Variants in PDZD2 observed in about 807,000 individuals in gnomAD.
The protein encoded by PDZD2 is PDZ domain containing 2.
In PDZD2, 90 loss-of-function variants were observed where a neutral mutation model predicts 220.7. The ratio of observed to expected loss-of-function variants is 0.41; its 90% confidence interval spans 0.34 to 0.49. The LOEUF (loss-of-function observed/expected upper bound fraction) is 0.49, where lower values mean the gene tolerates loss of function less well. Among genes scored for constraint, PDZD2 ranks in the 20% least tolerant of loss-of-function variants. PDZD2 has a pLI of 0.28. For synonymous variants in PDZD2, 1,375 were observed against 1,450.5 expected (o/e 0.95, Z 1.18); for missense variants, 3,174 against 3,608.5 (o/e 0.88, Z 3.08).
intron 3 of PDZD2, among the ~76,000 whole-genome samples, chr5:31,994,001 T>C (rs1340318703): frequency 1.3e-5 from 2 of 152,110 alleles, no homozygotes; most frequent in African/African-American, 4.8e-5. Context: ...AGTTTATTTA[T>C]TTATTTATTG....
chr5:32,036,455 T>G (rs1329114787), intron 6 of PDZD2, among the ~76,000 whole-genome samples: 7 of 152,240 alleles, frequency 4.6e-5, no homozygotes, highest in Non-Finnish European at 8.8e-5. Context: ...ATAAACACTC[T>G]GAAGTGCATG....
At position 31,728,361 on chromosome 5, in the gene PDZD2, T is replaced by A. The variant is rs73056557; in HGVS notation, c.-360-70528T>A. The stretch of plus-strand genomic sequence containing the variant: ...AGGAGAGTATTTTTCTCTACTTACA[T>A]GTATTCCTGTGAATAAATCCTTGTT... On this transcript the variant is annotated intron_variant, in intron 1 of 24. Coordinates refer to ENST00000438447, the MANE Select transcript of PDZD2 (RefSeq NM_178140.4). Among the ~76,000 whole-genome samples, 849 of 152,262 alleles carry A rather than the reference T, an allele frequency of 5.6e-3. 11 individuals are homozygous for A. Among genetic ancestry groups the A allele is most frequent in the Middle Eastern group, 0.02 (6 of 294 alleles).
chr5:31,995,622 A>C lies in PDZD2; in HGVS notation c.1025A>C (p.Asp342Ala), dbSNP rs199740210. Residue 342 changes from aspartate to alanine, a missense_variant, in exon 4 of 25, where the codon GAT (aspartate) becomes GCT (alanine). By Grantham distance (126) the Asp-to-Ala change is moderately radical (BLOSUM62 -2). This residue lies in a region of PDZD2 where 632 missense variants were observed against 708.1 expected (regional missense o/e 0.89). Transcript: ENST00000438447. ...AAGATGGAGCTGCTCAAAGAATCGGATGGGCTGGGAATTCAGGTTAGTGGA... is the reference window on the plus strand; with the variant it reads ...AAGATGGAGCTGCTCAAAGAATCGGCTGGGCTGGGAATTCAGGTTAGTGGA... Reference protein sequence around the residue: ...IWKMELLKESDGLGIQVSGGR... With the variant: ...IWKMELLKESAGLGIQVSGGR... The C allele has an allele frequency of 1.2e-6, 2 of 1,614,104 alleles. No homozygotes were observed. The highest frequency in any genetic ancestry group is 4.5e-5 in the East Asian group (2 of 44,880).
chr5:31,943,918 G>A (rs539868244), intron 2 of PDZD2, among the ~76,000 whole-genome samples: 3 of 152,326 alleles, frequency 2.0e-5, no homozygotes, highest in African/African-American at 7.2e-5. Flanking sequence ...ACAAAGGACA[G>A]TAGTATTAGC....
chr5:31,689,382 A>G (rs1349098067), intron 1 of PDZD2, among the ~76,000 whole-genome samples: 3 of 63,022 alleles, frequency 4.8e-5, no homozygotes, highest in Admixed American at 1.9e-4. Flanking sequence ...TTAAGTCGAG[A>G]CGGGGTTTCA....
chr5:31,710,109 C>G (rs377050122), intron 1 of PDZD2, among the ~76,000 whole-genome samples: 1 of 148,378 alleles, frequency 6.7e-6, no homozygotes, highest in East Asian at 1.9e-4. Context: ...AGTGAAGAAC[C>G]TGTGAAGGAA....
chr5:31,847,547 CT>C, intron 2 of PDZD2: 1 of 692,302 alleles, frequency 1.4e-6, no homozygotes, highest in Admixed American at 1.8e-5. Flanking sequence ...CTGACAAATT[CT>C]GCTGCAGCAT....
chr5:31,995,589 G>T lies in PDZD2; in HGVS notation c.992G>T (p.Arg331Leu). 1.2e-6 allele frequency: 2 copies of T among 1,614,122 alleles called. No individual in the cohort carries two copies. Among genetic ancestry groups the T allele is most frequent in the Non-Finnish European group, 8.5e-7 (1 of 1,179,978 alleles). The change falls in exon 4 of 25, where the codon CGA becomes CTA. Residue 331 changes from arginine (R) to leucine (L), a missense_variant. Around this residue, in one of 4 missense-constraint regions of PDZD2, gnomAD observed 632 missense variants for 708.1 expected, o/e 0.89. Transcript: ENST00000438447. ...SDCLAREEVG[R>L]IWKMELLKES... The stretch of plus-strand genomic sequence containing the variant: ...TTTTCTTCCAAGGAGGAAGTTGGCC[G>T]AATATGGAAGATGGAGCTGCTCAAA...
intron 2 of PDZD2, among the ~76,000 whole-genome samples, chr5:31,975,781 AG>A (rs1306154504): frequency 7.0e-6 from 1 of 143,304 alleles, no homozygotes; most frequent in Non-Finnish European, 1.5e-5. Context: ...AGCACACTGA[AG>A]GTATCAGTCA....
Position 31,766,875 on chromosome 5 carries a change from C to G in PDZD2, c.-360-32014C>G, listed in dbSNP as rs1234228488. On this transcript the variant is annotated intron_variant, in intron 1 of 24. Coordinates refer to ENST00000438447, the MANE Select transcript of PDZD2 (RefSeq NM_178140.4). Reference sequence around the variant, plus strand: ...CTCCTGAGTAGCTGCAATTAAAGTGCCCACCACACACCCAGCTAATTTTTA... The same window carrying G: ...CTCCTGAGTAGCTGCAATTAAAGTGGCCACCACACACCCAGCTAATTTTTA... 2.0e-5 allele frequency among the ~76,000 whole-genome samples: 3 copies of G among 151,380 alleles called. No homozygotes were observed. In the East Asian group the frequency reaches 5.8e-4, roughly 29 times the overall value.
At chr5:31,692,083 C>G (rs1747161481) in intron 1 of PDZD2, among the ~76,000 whole-genome samples, 1 of 152,214 alleles carries the variant, frequency 6.6e-6, no homozygotes, top group African/African-American at 2.4e-5. Flanking sequence ...ATTGGGGAGG[C>G]TCGGGTGGCA....
At chr5:31,936,318 C>G in intron 2 of PDZD2, 3 of 987,550 alleles carry the variant, frequency 3.0e-6, no homozygotes, top group Non-Finnish European at 3.6e-6. Flanking sequence ...CACAGCAGAG[C>G]ACGCTCACCT....
intron 2 of PDZD2, among the ~76,000 whole-genome samples, chr5:31,905,357 G>A (rs1005047447): frequency 6.6e-6 from 1 of 152,190 alleles, no homozygotes; most frequent in Non-Finnish European, 1.5e-5. Flanking sequence ...CCTTTCTACT[G>A]CCTTGCAGGT....
At chr5:31,986,151 G>A (rs1446556342) in intron 3 of PDZD2, among the ~76,000 whole-genome samples, 1 of 151,304 alleles carries the variant, frequency 6.6e-6, no homozygotes. Flanking sequence ...GTTCCTTTGC[G>A]TTGTTTTTAT....
At chr5:32,097,472 G>A in intron 22 of PDZD2, 92 bp downstream of exon 22, 1 of 774,522 alleles carries the variant, frequency 1.3e-6, no homozygotes, top group East Asian at 2.5e-5. Context: ...AGCGGGTTCA[G>A]AGATTGCTGG....
intron 2 of PDZD2, among the ~76,000 whole-genome samples, chr5:31,878,019 CTG>C (rs1739467313): frequency 6.6e-6 from 1 of 152,086 alleles, no homozygotes; most frequent in Non-Finnish European, 1.5e-5. Flanking sequence ...TCTTACAACT[CTG>C]TATTAATTAG....
At chr5:32,018,258 G>A (rs1309583849) in intron 6 of PDZD2, among the ~76,000 whole-genome samples, 2 of 152,196 alleles carry the variant, frequency 1.3e-5, no homozygotes, top group African/African-American at 2.4e-5. Context: ...CTGTGTTTCT[G>A]GTGATTCTGA....
chr5:31,996,257 C>T (rs1351939952), intron 4 of PDZD2, among the ~76,000 whole-genome samples: 6 of 152,092 alleles, frequency 3.9e-5, no homozygotes, highest in Non-Finnish European at 5.9e-5. Context: ...TTTCTCCTTG[C>T]GATCTGAAAA....
intron 1 of PDZD2, among the ~76,000 whole-genome samples, chr5:31,713,235 G>A (rs1748234955): frequency 6.6e-6 from 1 of 152,194 alleles, no homozygotes. Flanking sequence ...TGCCCTGTTT[G>A]CAGGGCTGGC....
Sources: allele counts gnomAD v4.1 joint callset (sites outside exome capture counted in the v4.1 genomes callset), GRCh38; gene constraint gnomAD v4.1.1; regional missense constraint gnomAD v4.1.1; transcripts MANE v1.5; gene names NCBI Gene and HGNC (gene_info 2026-07-23, HGNC 2026-07-21).